PLS1: variants seen among roughly 807,000 people sequenced by gnomAD.
The protein encoded by PLS1 is plastin 1.
Under a neutral mutation model 73.7 loss-of-function variants are expected in PLS1, and 32 were observed. The observed-to-expected ratio is 0.43, with a 90% confidence interval of 0.33 to 0.58. The LOEUF is 0.58. Ranked by LOEUF, PLS1 falls within the 20% of genes least tolerant of loss-of-function variation. The probability of loss-of-function intolerance (pLI) is 0.04; values close to 1 mark genes in which losing one functional copy is unlikely to be tolerated. For synonymous variants in PLS1, 217 were observed against 261.3 expected (o/e 0.83, Z 1.63); for missense variants, 633 against 740.5 (o/e 0.85, Z 1.68).
chr3:142,689,778 C>T lies in PLS1; in HGVS notation c.1142C>T (p.Pro381Leu), dbSNP rs751937368. The change falls in exon 10 of 16, where the codon CCG (proline) becomes CTG (leucine). Residue 381 changes from proline (P) to leucine (L), a missense_variant. Physicochemically the swap from Pro to Leu is moderately conservative, Grantham distance 98. Coordinates refer to ENST00000457734, the MANE Select transcript of PLS1 (RefSeq NM_001145319.2). Reference protein sequence around the residue: ...LFNTYPCLHKPNNNDIDMNLL... With the variant: ...LFNTYPCLHKLNNNDIDMNLL... ...AACACATACCCGTGCCTGCACAAGC[C>T]GAATAATAATGACATCGATATGAAT... The T allele has an allele frequency of 6.9e-6, 11 of 1,590,946 alleles. No homozygotes were observed. The highest frequency in any genetic ancestry group is 5.4e-5 in the Admixed American group (3 of 55,732).
chr3:142,689,380 G>A lies in PLS1; in HGVS notation c.982-238G>A, dbSNP rs140755399. Among the ~76,000 whole-genome samples the A allele has an allele frequency of 9.9e-4, 151 of 151,974 alleles. 1 individual carries two copies. In the East Asian group the frequency reaches 0.025, roughly 25 times the overall value. ...AGAGGTTGCAGTGAGCCAAGATCAC[G>A]CCACTGCACTCCAGCCTGGGGAACA... On this transcript the variant is annotated intron_variant, in intron 9 of 15. Coordinates refer to ENST00000457734, the MANE Select transcript of PLS1 (RefSeq NM_001145319.2).
chr3:142,653,561 A>C (rs568072227), intron 1 of PLS1, among the ~76,000 whole-genome samples: 1 of 151,878 alleles, frequency 6.6e-6, no homozygotes, highest in East Asian at 1.9e-4. Context: ...ATGGGGTTTC[A>C]CCATGTTGCC....
At chr3:142,660,658 G>A (rs2037351006) in intron 1 of PLS1, among the ~76,000 whole-genome samples, 2 of 152,124 alleles carry the variant, frequency 1.3e-5, no homozygotes, top group South Asian at 2.1e-4. Context: ...ATCATCGTAA[G>A]TTAGGAGCTG....
At chr3:142,640,173 G>A (rs2036799067) in intron 1 of PLS1, among the ~76,000 whole-genome samples, 1 of 152,198 alleles carries the variant, frequency 6.6e-6, no homozygotes, top group Admixed American at 6.5e-5. Flanking sequence ...TATTGTTTAA[G>A]TGGATATAAG....
intron 1 of PLS1, among the ~76,000 whole-genome samples, chr3:142,618,314 C>T (rs943813309): frequency 6.6e-6 from 1 of 152,270 alleles, no homozygotes; most frequent in Non-Finnish European, 1.5e-5. Context: ...CGTGGACAAT[C>T]CAAGGCCAAG....
intron 11 of PLS1, among the ~76,000 whole-genome samples, chr3:142,696,199 C>T (rs777194341): frequency 1.3e-4 from 20 of 152,076 alleles, no homozygotes; most frequent in Non-Finnish European, 2.1e-4. Context: ...CAGATTAAAT[C>T]GATTTGTTGA....
rs370107380 is a variant in PLS1 at position 142,676,229 on chromosome 3, T to G, written c.437T>G (p.Ile146Arg). 1 of 1,613,086 alleles carries G rather than the reference T, an allele frequency of 6.2e-7. No homozygotes were observed. The highest frequency in any genetic ancestry group is 1.7e-5 in the Admixed American group (1 of 60,010). ...AATGACCCTGACTGTAAGCATCTTA[T>G]ACCCATGAATCCCAATGATGATAGT... The part of the protein sequence containing the change: ...LENDPDCKHL[I>R]PMNPNDDSLF... Residue 146 changes from isoleucine (I) to arginine (R), a missense_variant, in exon 5 of 16, where the codon ATA becomes AGA. Ile to Arg is a moderately conservative substitution (Grantham distance 97). Coordinates refer to ENST00000457734, the MANE Select transcript of PLS1 (RefSeq NM_001145319.2).
chr3:142,644,213 G>A (rs549792339), intron 1 of PLS1, among the ~76,000 whole-genome samples: 77 of 151,850 alleles, frequency 5.1e-4, no homozygotes, highest in African/African-American at 1.8e-3. Flanking sequence ...AACCTCTTAG[G>A]CCTGTAAAAT....
At chr3:142,612,618 G>A (rs577264984) in intron 1 of PLS1, among the ~76,000 whole-genome samples, 11 of 152,180 alleles carry the variant, frequency 7.2e-5, no homozygotes, top group African/African-American at 2.4e-4. Context: ...CAGTTGTGGT[G>A]TTGTGCACCT....
At chr3:142,615,425 C>T (rs973322410) in intron 1 of PLS1, among the ~76,000 whole-genome samples, 4 of 152,088 alleles carry the variant, frequency 2.6e-5, no homozygotes, top group African/African-American at 9.7e-5. Flanking sequence ...GTTATATTCC[C>T]GATCATTCCA....
At chr3:142,622,977 T>C (rs2036344985) in intron 1 of PLS1, among the ~76,000 whole-genome samples, 1 of 152,194 alleles carries the variant, frequency 6.6e-6, no homozygotes, top group Non-Finnish European at 1.5e-5. Context: ...AGATAGGGTC[T>C]TGCTGTATTG....
chr3:142,657,915 G>A (rs2037276655), intron 1 of PLS1, among the ~76,000 whole-genome samples: 1 of 151,936 alleles, frequency 6.6e-6, no homozygotes, highest in Non-Finnish European at 1.5e-5. Flanking sequence ...CTAAAGCCTT[G>A]GTAAAATTTC....
chr3:142,697,720 T>G (rs1046174549), intron 11 of PLS1, among the ~76,000 whole-genome samples: 3 of 152,224 alleles, frequency 2.0e-5, no homozygotes, highest in Non-Finnish European at 2.9e-5. Context: ...TCCAAATTTA[T>G]AAATATTGTG....
intron 2 of PLS1, among the ~76,000 whole-genome samples, chr3:142,667,857 T>G (rs1484549701): frequency 2.0e-5 from 3 of 152,256 alleles, no homozygotes; most frequent in Non-Finnish European, 4.4e-5. Context: ...GATTTTTCTC[T>G]AAATTCAAAG....
At chr3:142,607,182 T>C (rs1363948959) in intron 1 of PLS1, among the ~76,000 whole-genome samples, 1 of 152,238 alleles carries the variant, frequency 6.6e-6, no homozygotes, top group Admixed American at 6.5e-5. Flanking sequence ...CAATAGACTT[T>C]ATCTTTTAGA....
chr3:142,598,507 A>G (rs11709900), intron 1 of PLS1, among the ~76,000 whole-genome samples: 24,533 of 152,160 alleles, frequency 0.16, 2,239 homozygotes, highest in Admixed American at 0.21. Flanking sequence ...AGACAGGCGT[A>G]AAAACACGGG....
chr3:142,609,586 A>C (rs1039264553), intron 1 of PLS1, among the ~76,000 whole-genome samples: 1 of 152,242 alleles, frequency 6.6e-6, no homozygotes, highest in African/African-American at 2.4e-5. Flanking sequence ...TGTCTTTTGC[A>C]TCCCTGGTTT....
rs762769853 is a variant in PLS1, at chr3:142,669,560, A to T, written c.234+7A>T. ...TTTTGAAGAGTTTGTGTCAGTAAGT[A>T]ATCTAATCCTTTCGGGCTACTGATA... On this transcript the variant is annotated splice_region_variant and intron_variant, in intron 3 of 15. Coordinates refer to ENST00000457734, the MANE Select transcript of PLS1 (RefSeq NM_001145319.2). The T allele has an allele frequency of 6.2e-7, 1 of 1,602,918 alleles. No individual in the cohort carries two copies. Among genetic ancestry groups the T allele is most frequent in the Non-Finnish European group, 8.5e-7 (1 of 1,171,858 alleles).
rs752316112 is a variant in PLS1 at position 142,704,009 on chromosome 3, C to G, written c.1505+8C>G. 13 of 1,612,698 alleles carry G rather than the reference C, an allele frequency of 8.1e-6. No individual in the cohort carries two copies. The highest frequency in any genetic ancestry group is 1.0e-5 in the Non-Finnish European group (12 of 1,179,276). ...ATGGCAGCTGATGAGAAGGTAAAGG[C>G]TGATATGTTGGTAGCAACACTGCCT... On this transcript the variant is annotated splice_region_variant and intron_variant, in intron 13 of 15. Transcript: ENST00000457734.
Sources: allele counts gnomAD v4.1 joint callset (sites outside exome capture counted in the v4.1 genomes callset), GRCh38; gene constraint gnomAD v4.1.1; transcripts MANE v1.5; gene names NCBI Gene and HGNC (gene_info 2026-07-23, HGNC 2026-07-21).